SLC16A9: variants seen among roughly 807,000 people sequenced by gnomAD.
SLC16A9 encodes monocarboxylate transporter 9.
In SLC16A9, 26 loss-of-function variants were observed where a neutral mutation model predicts 44.3. That is an observed-to-expected ratio of 0.59 (90% confidence interval 0.43 to 0.81). The LOEUF (loss-of-function observed/expected upper bound fraction) is 0.81, where lower values mean the gene tolerates loss of function less well. SLC16A9 is among the 40% of genes least tolerant of loss of function. SLC16A9 has a pLI of 0.00. For missense variants in SLC16A9, 559 were observed against 595.8 expected (o/e 0.94, Z 0.64); for synonymous variants, 230 against 225.1 (o/e 1.02, Z -0.19).
At chr10:59,689,500 T>C (rs934263463) in intron 1 of SLC16A9, among the ~76,000 whole-genome samples, 1 of 152,278 alleles carries the variant, frequency 6.6e-6, no homozygotes, top group South Asian at 2.1e-4. Flanking sequence ...TGAATCTTGA[T>C]TGAAATGCCT....
intron 4 of SLC16A9, among the ~76,000 whole-genome samples, chr10:59,658,173 G>A (rs566315106): frequency 1.3e-5 from 2 of 152,046 alleles, no homozygotes; most frequent in East Asian, 3.9e-4. Flanking sequence ...TCAATTTACT[G>A]CCACTTAAAA....
intron 1 of SLC16A9, among the ~76,000 whole-genome samples, chr10:59,686,794 A>T (rs191988062): frequency 1.3e-4 from 20 of 152,178 alleles, no homozygotes; most frequent in East Asian, 7.7e-4. Flanking sequence ...CCTTTTTTAT[A>T]AAATCAAATG....
Position 59,652,719 on chromosome 10 carries a change from A to G in SLC16A9, c.*53T>C, listed in dbSNP as rs1839231440. 2 of 1,464,942 alleles carry G rather than the reference A, an allele frequency of 1.4e-6. No individual in the cohort carries two copies. Among genetic ancestry groups the G allele is most frequent in the South Asian group, 1.4e-5 (1 of 70,306 alleles). The allele number at this position is 1,464,942 out of a possible 1,614,324, so 90.7% of individuals were successfully genotyped here. A position where few individuals can be genotyped will look rare whatever the true frequency, so the allele number is the denominator to read the frequency against. On this transcript the variant is annotated 3_prime_UTR_variant, in exon 6 of 6. Coordinates refer to ENST00000395348, the MANE Select transcript of SLC16A9 (RefSeq NM_194298.3). Reference sequence around the variant, plus strand: ...AAAATTTGCTTGAGAATCTGTTAAAATATCGTTGCTATATGGTATAAAATA... The same window carrying G: ...AAAATTTGCTTGAGAATCTGTTAAAGTATCGTTGCTATATGGTATAAAATA...
At chr10:59,705,407 C>T (rs1485540157) in intron 1 of SLC16A9, among the ~76,000 whole-genome samples, 1 of 152,102 alleles carries the variant, frequency 6.6e-6, no homozygotes, top group African/African-American at 2.4e-5. Context: ...CTCCTTGGTC[C>T]CTTTACTTAG....
chr10:59,697,709 A>C (rs1256167726), intron 1 of SLC16A9, among the ~76,000 whole-genome samples: 1 of 150,326 alleles, frequency 6.7e-6, no homozygotes, highest in Admixed American at 6.6e-5. Context: ...CCTCTGCGAG[A>C]AACACCCAAG....
At chr10:59,679,207 C>G (rs1048928426) in intron 2 of SLC16A9, among the ~76,000 whole-genome samples, 7 of 151,896 alleles carry the variant, frequency 4.6e-5, no homozygotes, top group Non-Finnish European at 2.9e-5. Flanking sequence ...CCACCGTTTC[C>G]TTGAATTTGG....
chr10:59,692,324 G>A (rs770697831), intron 1 of SLC16A9, among the ~76,000 whole-genome samples: 54 of 152,130 alleles, frequency 3.5e-4, no homozygotes, highest in Non-Finnish European at 1.3e-4. Flanking sequence ...AACCATGGGC[G>A]AGGAGGTGGA....
At chr10:59,684,867 T>C (rs528610272) in intron 1 of SLC16A9, among the ~76,000 whole-genome samples, 1 of 152,318 alleles carries the variant, frequency 6.6e-6, no homozygotes, top group East Asian at 1.9e-4. Context: ...CACACTTCCA[T>C]GTTGATCATG....
chr10:59,685,476 T>A (rs1273706102), intron 1 of SLC16A9, among the ~76,000 whole-genome samples: 5 of 152,204 alleles, frequency 3.3e-5, no homozygotes, highest in African/African-American at 1.2e-4. Context: ...TTTCCCTTAT[T>A]TTTTACACAC....
At chr10:59,679,841 G>A (rs1298553349) in intron 2 of SLC16A9, among the ~76,000 whole-genome samples, 2 of 152,224 alleles carry the variant, frequency 1.3e-5, no homozygotes, top group Non-Finnish European at 1.5e-5. Context: ...AATTTGCATG[G>A]ACTTCCCTCT....
At chr10:59,678,880 C>T (rs1023302811) in intron 2 of SLC16A9, among the ~76,000 whole-genome samples, 1 of 152,078 alleles carries the variant, frequency 6.6e-6, no homozygotes, top group Non-Finnish European at 1.5e-5. Flanking sequence ...GGGAACCTGC[C>T]AATGCAACAG....
intron 1 of SLC16A9, among the ~76,000 whole-genome samples, chr10:59,693,833 G>T (rs913826723): frequency 8.6e-5 from 13 of 151,504 alleles, no homozygotes; most frequent in Non-Finnish European, 1.8e-4. Context: ...TAGCCAGGAT[G>T]GTCTTGATCT....
At chr10:59,658,386 A>AC (rs1839396364) in intron 4 of SLC16A9, among the ~76,000 whole-genome samples, 1 of 152,116 alleles carries the variant, frequency 6.6e-6, no homozygotes, top group East Asian at 1.9e-4. Context: ...AAATTCAAAT[A>AC]TTTTAAAGAA....
intron 4 of SLC16A9, 144 bp from the exon 5 acceptor site, chr10:59,654,733 CAAT>C (rs1401633227): frequency 2.0e-5 from 13 of 646,932 alleles, no homozygotes; most frequent in African/African-American, 1.5e-4. Context: ...TAGAAGATAA[CAAT>C]AATAACAATA....
At position 59,672,873 on chromosome 10, in the gene SLC16A9, T is replaced by A. The variant is rs770282158; in HGVS notation, c.237A>T (p.Arg79Ser). The change falls in exon 3 of 6, where the codon AGA becomes AGT. Residue 79 changes from arginine to serine, a missense_variant. Transcript: ENST00000395348. ...CSLCVSSFGA[R>S]PVTIFSGFMV... The stretch of plus-strand genomic sequence containing the variant: ...TGAAGCCACTGAAGATTGTGACAGG[T>A]CTTGCTCCAAAAGATGAGACACAGA... The A allele has an allele frequency of 3.1e-6, 5 of 1,613,438 alleles. No individual in the cohort carries two copies. The South Asian group carries it at 5.5e-5, about 18-fold the overall frequency.
chr10:59,652,478 C>A lies in SLC16A9; in HGVS notation c.*294G>T. 4.5e-6 allele frequency: 1 copy of A among 223,534 alleles called. No homozygotes were observed. 13.8% of individuals were successfully genotyped at this position (223,534 alleles called of 1,614,324 possible). ...TTATACTTCTTTACACAGAGAAAGCCTTCTGAGGCTGGTCAAACTTTTTAC... is the reference window on the plus strand; with the variant it reads ...TTATACTTCTTTACACAGAGAAAGCATTCTGAGGCTGGTCAAACTTTTTAC... On this transcript the variant is annotated 3_prime_UTR_variant, in exon 6 of 6. Transcript: ENST00000395348.
At chr10:59,666,169 T>G (rs915761263) in intron 3 of SLC16A9, among the ~76,000 whole-genome samples, 22 of 151,884 alleles carry the variant, frequency 1.4e-4, no homozygotes, top group African/African-American at 4.4e-4. Flanking sequence ...CACAATGGTG[T>G]GCACCTGTGG....
intron 4 of SLC16A9, among the ~76,000 whole-genome samples, chr10:59,663,642 A>T (rs1181312172): frequency 1.3e-5 from 2 of 152,132 alleles, no homozygotes; most frequent in Non-Finnish European, 1.5e-5. Context: ...TAGCATTAGG[A>T]GAAATACCTA....
At chr10:59,664,639 T>TA (rs2132428791) in intron 3 of SLC16A9, among the ~76,000 whole-genome samples, 1 of 152,316 alleles carries the variant, frequency 6.6e-6, no homozygotes, top group African/African-American at 2.4e-5. Context: ...ACATACCAAA[T>TA]AGCAAATTTG....
Sources: gnomAD v4.1 joint callset for allele counts (sites outside exome capture counted in the v4.1 genomes callset) on GRCh38, gnomAD v4.1.1 for gene constraint, MANE v1.5 for transcripts, NCBI Gene and HGNC (gene_info 2026-07-23, HGNC 2026-07-21) for gene names.